The following PLCB4 variants were observed in gnomAD, a reference collection of about 807,000 sequenced individuals.
PLCB4 encodes the protein phospholipase C beta 4.
Under a neutral mutation model 178.8 loss-of-function variants are expected in PLCB4, and 77 were observed. The observed-to-expected ratio is 0.43, with a 90% CI of 0.36 to 0.52. PLCB4 has a LOEUF of 0.52. Among genes scored for constraint, PLCB4 ranks in the 20% least tolerant of loss-of-function variants. The pLI is 0.00. For synonymous variants in PLCB4, 496 were observed against 490.8 expected, an observed-to-expected ratio of 1.01 and a Z score of -0.14; for missense variants, 1,024 against 1,453.4, an observed-to-expected ratio of 0.70 and a Z score of 4.80.
intron 2 of PLCB4, among the ~76,000 whole-genome samples, chr20:9,165,191 C>T (rs527689045): frequency 2.4e-4 from 37 of 152,210 alleles, no homozygotes; most frequent in Non-Finnish European, 3.5e-4. Flanking sequence ...TCCAGCTTCT[C>T]GAGGGCACAA....
intron 11 of PLCB4, 29 bp downstream of exon 11, chr20:9,372,432 A>G (rs1284137813): frequency 1.8e-6 from 2 of 1,100,136 alleles, no homozygotes; most frequent in Non-Finnish European, 2.8e-6. Context: ...GAAGTGCCAT[A>G]TAAATATTAT....
intron 35 of PLCB4, among the ~76,000 whole-genome samples, chr20:9,463,173 A>AT: frequency 6.6e-6 from 1 of 152,336 alleles, no homozygotes; most frequent in East Asian, 1.9e-4. Flanking sequence ...ACTAAGCTTC[A>AT]TAAGTGAAGG....
chr20:9,356,632 GTCTTATTTC>G (rs2034849173), intron 7 of PLCB4, among the ~76,000 whole-genome samples: 1 of 152,164 alleles, frequency 6.6e-6, no homozygotes, highest in Non-Finnish European at 1.5e-5. Context: ...ATGGAAATGT[GTCTTATTTC>G]TCTTGAATGC....
intron 2 of PLCB4, among the ~76,000 whole-genome samples, chr20:9,100,259 GC>G (rs2091090880): frequency 6.6e-6 from 1 of 152,198 alleles, no homozygotes; most frequent in African/African-American, 2.4e-5. Context: ...GGGAACAAAA[GC>G]AATACTAATG....
chr20:9,112,034 A>G (rs1007228671), intron 2 of PLCB4, among the ~76,000 whole-genome samples: 2 of 152,174 alleles, frequency 1.3e-5, no homozygotes, highest in African/African-American at 4.8e-5. Flanking sequence ...TTTAGACCAA[A>G]TTAAAAAAAT....
At chr20:9,437,728 G>A (rs1911179986) in intron 30 of PLCB4, among the ~76,000 whole-genome samples, 1 of 152,190 alleles carries the variant, frequency 6.6e-6, no homozygotes. Flanking sequence ...GGGTCATCCT[G>A]AGAAGGTCAT....
In PLCB4 at chr20:9,332,996, G is replaced by A. The variant is rs76706043; in HGVS notation, c.85-4130G>A. Among the ~76,000 whole-genome samples the A allele has an allele frequency of 2.8e-3, 422 of 152,238 alleles. 2 individuals carry two copies. The highest frequency in any genetic ancestry group is 9.7e-3 in the African/African-American group (401 of 41,548). The stretch of plus-strand genomic sequence containing the variant: ...AAGGGACTCCTGCCTTTAGGCAGAC[G>A]GCCTCAACCAGTGCCCTTGTAATTG... On this transcript the variant is annotated intron_variant, in intron 4 of 39. Coordinates refer to ENST00000378473, the MANE Select transcript of PLCB4 (RefSeq NM_001377142.1).
chr20:9,475,473 AAT>A lies in PLCB4; in HGVS notation c.3496-1241_3496-1240del, dbSNP rs149301935. On this transcript the variant is annotated intron_variant, in intron 38 of 39. Coordinates refer to ENST00000378473, the MANE Select transcript of PLCB4 (RefSeq NM_001377142.1). ...GCTGGCTTTTTGTTGCAGAAATTCAAATATGTCTTTTAAGGTCTACCACCCAC... is the reference window on the plus strand; with the variant it reads ...GCTGGCTTTTTGTTGCAGAAATTCAAATGTCTTTTAAGGTCTACCACCCAC... Among the ~76,000 whole-genome samples the A allele has an allele frequency of 5.9e-3, 892 of 152,264 alleles. 8 individuals are homozygous for A. The highest frequency in any genetic ancestry group is 0.021 in the African/African-American group (863 of 41,562).
intron 1 of PLCB4, among the ~76,000 whole-genome samples, chr20:9,094,347 C>A (rs1220301141): frequency 6.6e-6 from 1 of 151,964 alleles, no homozygotes; most frequent in East Asian, 1.9e-4. Context: ...TTTTTTTAAA[C>A]CATACCTATA....
chr20:9,423,352 T>A (rs1180211790), intron 27 of PLCB4, among the ~76,000 whole-genome samples: 2 of 152,218 alleles, frequency 1.3e-5, no homozygotes. Context: ...ATGTCAGCAA[T>A]ATGCCAGATA....
intron 35 of PLCB4, among the ~76,000 whole-genome samples, chr20:9,463,275 A>T (rs1021253108): frequency 6.6e-6 from 1 of 152,170 alleles, no homozygotes; most frequent in African/African-American, 2.4e-5. Flanking sequence ...AGCATTAAAC[A>T]TGGAAAGAAA....
chr20:9,258,714 CAAAAAA>C (rs969525907), intron 3 of PLCB4, among the ~76,000 whole-genome samples: 2 of 62,790 alleles, frequency 3.2e-5, no homozygotes, highest in African/African-American at 1.1e-4. Context: ...GACTTCCTCT[CAAAAAA>C]AAAAAAAAAA....
At chr20:9,191,148 G>T (rs866455880) in intron 2 of PLCB4, among the ~76,000 whole-genome samples, 2 of 151,966 alleles carry the variant, frequency 1.3e-5, no homozygotes, top group Admixed American at 1.3e-4. Flanking sequence ...ATGAACCTTA[G>T]GAAGTATTTT....
chr20:9,341,280 A>G (rs13042307), intron 7 of PLCB4, among the ~76,000 whole-genome samples: 10,122 of 152,168 alleles, frequency 0.067, 359 homozygotes, highest in Middle Eastern at 0.096. Flanking sequence ...TGGGGGTTAG[A>G]GCTACCATAC....
At chr20:9,327,688 A>G (rs796855577) in intron 4 of PLCB4, among the ~76,000 whole-genome samples, 6 of 152,160 alleles carry the variant, frequency 3.9e-5, no homozygotes, top group African/African-American at 1.2e-4. Context: ...AGGCAGGAGT[A>G]TGGCGTGAAC....
intron 19 of PLCB4, among the ~76,000 whole-genome samples, chr20:9,400,916 C>A (rs2038975814): frequency 2.0e-5 from 3 of 152,156 alleles, no homozygotes; most frequent in Admixed American, 2.0e-4. Context: ...CTGAGCCTGA[C>A]AAATGAGCCC....
chr20:9,270,180 CT>C (rs2094388743), intron 3 of PLCB4, among the ~76,000 whole-genome samples: 1 of 152,012 alleles, frequency 6.6e-6, no homozygotes, highest in African/African-American at 2.4e-5. Context: ...AAAGTTTTTT[CT>C]TTTTATTTAT....
Position 9,405,304 on chromosome 20 carries a change from T to A in PLCB4, c.1612-9T>A. On this transcript the variant is annotated splice_polypyrimidine_tract_variant and intron_variant, in intron 20 of 39. Coordinates refer to ENST00000378473, the MANE Select transcript of PLCB4 (RefSeq NM_001377142.1). ...AGAAGTAAACAAATTATTTCCTTTC[T>A]CTAATTAGGCTTCAGATGACCTTGA... The A allele has an allele frequency of 6.6e-7, 1 of 1,514,752 alleles. No individual in the cohort carries two copies. The highest frequency in any genetic ancestry group is 1.2e-5 in the South Asian group (1 of 81,546). 93.8% of individuals were successfully genotyped at this position (1,514,752 alleles called of 1,614,324 possible).
chr20:9,124,063 C>A (rs977388345), intron 2 of PLCB4, among the ~76,000 whole-genome samples: 2 of 151,998 alleles, frequency 1.3e-5, no homozygotes, highest in East Asian at 1.9e-4. Context: ...AAATATTATT[C>A]TTCTTTTAAT....
Sources: allele counts gnomAD v4.1 joint callset (sites outside exome capture counted in the v4.1 genomes callset), GRCh38; gene constraint gnomAD v4.1.1; transcripts MANE v1.5; gene names NCBI Gene and HGNC (gene_info 2026-07-23, HGNC 2026-07-21).